The following MCTP2 variants were observed in gnomAD, a reference collection of about 807,000 sequenced individuals.
MCTP2 encodes the protein multiple C2 and transmembrane domain-containing protein 2.
In MCTP2, 132 loss-of-function variants were observed where a neutral mutation model predicts 111.6. The ratio of observed to expected loss-of-function variants is 1.18; its 90% CI spans 1.03 to 1.37. The LOEUF (loss-of-function observed/expected upper bound fraction) is 1.37. Among genes scored for constraint, MCTP2 ranks in the 40% most tolerant of loss-of-function variants. MCTP2 has a pLI of 0.00. For synonymous variants in MCTP2, 395 were observed against 387.7 expected (o/e 1.02, Z -0.22); for missense variants, 1,183 against 1,067.9 (o/e 1.11, Z -1.50).
intron 19 of MCTP2, among the ~76,000 whole-genome samples, chr15:94,443,325 G>A (rs1182812242): frequency 6.6e-6 from 1 of 152,146 alleles, no homozygotes; most frequent in Non-Finnish European, 1.5e-5. Context: ...GCACTCTGTG[G>A]GGTGGTCACC....
At chr15:94,350,814 C>T (rs1445837800) in intron 8 of MCTP2, among the ~76,000 whole-genome samples, 5 of 152,158 alleles carry the variant, frequency 3.3e-5, no homozygotes, top group Admixed American at 6.5e-5. Context: ...GAGCTTCCTA[C>T]AGGTCAGGGC....
At chr15:94,283,485 T>TG (rs777001237) in intron 1 of MCTP2, among the ~76,000 whole-genome samples, 8 of 152,156 alleles carry the variant, frequency 5.3e-5, no homozygotes, top group South Asian at 2.1e-4. Context: ...CTTAAATATC[T>TG]GGGGGGGTTG....
chr15:94,231,641 GC>G lies in MCTP2; in HGVS notation c.-84del. ...GGGCGCGCGCCTGCCCAGCTTTGCA[GC>G]CCCCGAACGCGGCCTCGCACAGGTG... On this transcript the variant is annotated 5_prime_UTR_variant, in exon 1 of 23. Transcript: ENST00000357742. 1 of 152,480 alleles carries G rather than the reference GC, an allele frequency of 6.6e-6. No individual in the cohort carries two copies. The highest frequency in any genetic ancestry group is 1.9e-4 in the East Asian group (1 of 5,166). 9.4% of individuals were successfully genotyped at this position (152,480 alleles called of 1,614,324 possible).
At chr15:94,344,941 CA>C (rs1296940633) in intron 7 of MCTP2, among the ~76,000 whole-genome samples, 187 bp from the exon 8 acceptor site, 1 of 152,186 alleles carries the variant, frequency 6.6e-6, no homozygotes, top group Non-Finnish European at 1.5e-5. Flanking sequence ...CAACCACATA[CA>C]TGTGACTCTT....
intron 1 of MCTP2, among the ~76,000 whole-genome samples, chr15:94,244,000 T>G (rs1196940128): frequency 6.8e-6 from 1 of 146,340 alleles, no homozygotes; most frequent in Non-Finnish European, 1.5e-5. Flanking sequence ...TGTATATATT[T>G]ATGCACACAT....
intron 1 of MCTP2, among the ~76,000 whole-genome samples, chr15:94,281,214 T>C (rs887103768): frequency 2.6e-5 from 4 of 152,178 alleles, no homozygotes; most frequent in South Asian, 2.1e-4. Context: ...TCTAGGCCTT[T>C]ACAAGCTTGT....
At chr15:94,355,685 G>A (rs910996812) in intron 8 of MCTP2, among the ~76,000 whole-genome samples, 9 of 152,204 alleles carry the variant, frequency 5.9e-5, no homozygotes, top group African/African-American at 2.2e-4. Flanking sequence ...ATAAAGAGAA[G>A]TGGAGACAGA....
At chr15:94,404,193 A>G (rs1029486251) in intron 17 of MCTP2, among the ~76,000 whole-genome samples, 13 of 152,080 alleles carry the variant, frequency 8.5e-5, no homozygotes, top group African/African-American at 2.9e-4. Context: ...TTTTATTCCT[A>G]TTATGATTAT....
At chr15:94,323,145 T>G (rs1248678031) in intron 4 of MCTP2, among the ~76,000 whole-genome samples, 1 of 152,150 alleles carries the variant, frequency 6.6e-6, no homozygotes, top group Non-Finnish European at 1.5e-5. Flanking sequence ...GGAGTTTTGG[T>G]GAAGATTGCT....
intron 15 of MCTP2, among the ~76,000 whole-genome samples, chr15:94,399,271 A>G (rs567699905): frequency 6.6e-6 from 1 of 152,332 alleles, no homozygotes; most frequent in East Asian, 1.9e-4. Flanking sequence ...GAGTATGTAT[A>G]CTGGTAAAAC....
intron 21 of MCTP2, among the ~76,000 whole-genome samples, chr15:94,474,248 A>G (rs1192655625): frequency 6.6e-6 from 1 of 152,164 alleles, no homozygotes; most frequent in East Asian, 1.9e-4. Context: ...GTTGGCTTTA[A>G]TAGTATTAAA....
intron 14 of MCTP2, among the ~76,000 whole-genome samples, chr15:94,390,729 T>C (rs1457175116): frequency 7.8e-6 from 1 of 128,120 alleles, no homozygotes; most frequent in Non-Finnish European, 1.7e-5. Flanking sequence ...TCTTTTCTTT[T>C]TTTTTTTTTT....
chr15:94,409,246 C>A (rs1211044167), intron 17 of MCTP2, among the ~76,000 whole-genome samples: 2 of 152,102 alleles, frequency 1.3e-5, no homozygotes, highest in Admixed American at 6.5e-5. Flanking sequence ...CATCTTTCTC[C>A]CATGCTGGTT....
intron 20 of MCTP2, among the ~76,000 whole-genome samples, chr15:94,466,992 T>G (rs1212442127): frequency 6.6e-6 from 1 of 152,228 alleles, no homozygotes. Context: ...TTGTGTGTTT[T>G]GTGCAATAAC....
chr15:94,391,958 A>G (rs1480482287), intron 14 of MCTP2, among the ~76,000 whole-genome samples: 1 of 152,210 alleles, frequency 6.6e-6, no homozygotes, highest in Admixed American at 6.5e-5. Context: ...TCTTTGAGAC[A>G]CCTAAAACAC....
chr15:94,269,110 A>G (rs138683177), intron 1 of MCTP2, among the ~76,000 whole-genome samples: 2 of 152,136 alleles, frequency 1.3e-5, no homozygotes, highest in Admixed American at 6.5e-5. Context: ...TGTCTTTCAC[A>G]CTTAGCACTT....
At chr15:94,238,101 T>C (rs1767681768) in intron 1 of MCTP2, among the ~76,000 whole-genome samples, 1 of 152,158 alleles carries the variant, frequency 6.6e-6, no homozygotes. Context: ...GGGCACATGT[T>C]CTCAGGACCT....
intron 1 of MCTP2, among the ~76,000 whole-genome samples, chr15:94,267,869 C>CTTTTTTTTTTTTTCTTTTTTTTT (rs2073642011): frequency 1.3e-5 from 1 of 77,454 alleles, no homozygotes; most frequent in Non-Finnish European, 2.2e-5. Context: ...CCTTTTCTTT[C>CTTTTTTTTTTTTTCTTTTTTTTT]TTTTTTTTTT....
intron 17 of MCTP2, among the ~76,000 whole-genome samples, chr15:94,428,821 C>T (rs1239569471): frequency 6.6e-6 from 1 of 152,030 alleles, no homozygotes; most frequent in African/African-American, 2.4e-5. Flanking sequence ...CTCCTTTATA[C>T]CATTCCTCAC....
Sources: allele counts gnomAD v4.1 joint callset (sites outside exome capture counted in the v4.1 genomes callset), GRCh38; gene constraint gnomAD v4.1.1; transcripts MANE v1.5; gene names NCBI Gene and HGNC (gene_info 2026-07-23, HGNC 2026-07-21).